Variants in CEP192 observed in about 807,000 individuals in gnomAD.
The protein encoded by CEP192 is centrosomal protein 192.
In CEP192, 151 loss-of-function variants were observed where a neutral mutation model predicts 271.8. The observed-to-expected ratio is 0.56, with a 90% CI of 0.49 to 0.64. The LOEUF (loss-of-function observed/expected upper bound fraction) is 0.64, where lower values mean the gene tolerates loss of function less well. Among genes scored for constraint, CEP192 ranks in the 30% least tolerant of loss-of-function variants. The probability of loss-of-function intolerance (pLI) is 0.00; values close to 1 mark genes in which losing one functional copy is unlikely to be tolerated. For missense variants in CEP192, 2,910 were observed against 3,020.5 expected (o/e 0.96, Z 0.86); for synonymous variants, 995 against 1,076.5 (o/e 0.92, Z 1.48).
At chr18:13,034,325 T>C (rs1307190887) in intron 11 of CEP192, among the ~76,000 whole-genome samples, 1 of 151,476 alleles carries the variant, frequency 6.6e-6, no homozygotes, top group East Asian at 1.9e-4. Flanking sequence ...TCCAGGGAAA[T>C]AGGGGTGGAG....
intron 19 of CEP192, 86 bp from the exon 20 acceptor site, chr18:13,057,499 T>C (rs576466010): frequency 6.8e-7 from 1 of 1,476,238 alleles, no homozygotes; most frequent in African/African-American, 1.4e-5. Flanking sequence ...GGCCATCTTA[T>C]AAACTCATTG....
At chr18:13,020,612 C>T (rs963044714) in intron 9 of CEP192, among the ~76,000 whole-genome samples, 2 of 152,104 alleles carry the variant, frequency 1.3e-5, no homozygotes, top group African/African-American at 4.8e-5. Context: ...ATTGTTGGGT[C>T]ATATGGTAAT....
At chr18:13,109,785 T>C (rs2040126550) in intron 40 of CEP192, among the ~76,000 whole-genome samples, 1 of 152,000 alleles carries the variant, frequency 6.6e-6, no homozygotes, top group Non-Finnish European at 1.5e-5. Context: ...ATAATAATAA[T>C]AGACAAACCT....
At chr18:13,055,549 C>G (rs2037048930) in intron 18 of CEP192, among the ~76,000 whole-genome samples, 1 of 152,186 alleles carries the variant, frequency 6.6e-6, no homozygotes, top group African/African-American at 2.4e-5. Context: ...GTGTATACCT[C>G]CTATTTATTT....
intron 35 of CEP192, 97 bp downstream of exon 35, chr18:13,095,778 C>A: frequency 1.9e-6 from 2 of 1,057,162 alleles, no homozygotes; most frequent in Non-Finnish European, 2.7e-6. Context: ...ACATGGGCTC[C>A]TGCACATTGA....
chr18:13,029,627 T>A, intron 9 of CEP192, 36 bp from the exon 10 acceptor site: 1 of 1,265,724 alleles, frequency 7.9e-7, no homozygotes. Flanking sequence ...AGACTTACTG[T>A]TGCTCTGTTA....
chr18:13,042,263 G>C lies in CEP192; in HGVS notation c.1996G>C (p.Glu666Gln). 2 of 1,613,770 alleles carry C rather than the reference G, an allele frequency of 1.2e-6. No individual in the cohort carries two copies. The highest frequency in any genetic ancestry group is 1.7e-6 in the Non-Finnish European group (2 of 1,179,646). Residue 666 changes from glutamate (E) to glutamine (Q), a missense_variant, in exon 15 of 45, where the codon GAA becomes CAA. Transcript: ENST00000506447. The stretch of plus-strand genomic sequence containing the variant: ...TGAAGGATCAATTACACTTCAGGTT[G>C]AAGCAGTAGAGAGTACTTCACAAGT... ...LSEGSITLQVEAVESTSQVDE... is the reference protein window; with the variant it reads ...LSEGSITLQVQAVESTSQVDE...
At chr18:13,057,545 C>T (rs777705036) in intron 19 of CEP192, 40 bp from the exon 20 acceptor site, 3 of 1,601,642 alleles carry the variant, frequency 1.9e-6, no homozygotes, top group Non-Finnish European at 2.6e-6. Context: ...CAGGGGTTTG[C>T]TGTAACTTGC....
At position 13,001,537 on chromosome 18, in the gene CEP192, A is replaced by T; in HGVS notation, c.245A>T (p.Asp82Val). The change falls in exon 3 of 45, where the codon GAT becomes GTT. Residue 82 changes from aspartate (D) to valine (V), a missense_variant. Physicochemically the swap from Asp to Val is radical, Grantham distance 152. Transcript: ENST00000506447. Reference protein sequence around the residue: ...PSGSSPGSQSDAEPRERLQLS... With the variant: ...PSGSSPGSQSVAEPRERLQLS... ...GGGTCATCTCCCGGAAGCCAGAGTGATGCTGAACCAAGAGAGAGGTTACAG... is the reference window on the plus strand; with the variant it reads ...GGGTCATCTCCCGGAAGCCAGAGTGTTGCTGAACCAAGAGAGAGGTTACAG... The T allele has an allele frequency of 6.4e-7, 1 of 1,551,214 alleles. No homozygotes were observed. The highest frequency in any genetic ancestry group is 8.7e-7 in the Non-Finnish European group (1 of 1,146,814).
At position 13,057,744 on chromosome 18, in the gene CEP192, A is replaced by C. The variant is rs547977510; in HGVS notation, c.4257+11A>C. ...GTTAATGGTGAAAAGGTAGCTTTCT[A>C]TGTCTTTCTCATTTAACCTAACAGT... On this transcript the variant is annotated intron_variant, in intron 20 of 44. Transcript: ENST00000506447. 6.2e-7 allele frequency: 1 copy of C among 1,611,034 alleles called. No homozygotes were observed. The highest frequency in any genetic ancestry group is 1.1e-5 in the South Asian group (1 of 90,874).
intron 6 of CEP192, among the ~76,000 whole-genome samples, chr18:13,016,038 G>A (rs1000017530): frequency 1.3e-5 from 2 of 152,132 alleles, no homozygotes; most frequent in Non-Finnish European, 2.9e-5. Flanking sequence ...GAGCCATCGC[G>A]CCTGGCCAGA....
intron 13 of CEP192, among the ~76,000 whole-genome samples, chr18:13,039,779 C>T (rs74377673): frequency 0.019 from 2,856 of 152,146 alleles, 69 homozygotes; most frequent in African/African-American, 0.06. Context: ...AGCAGCCTGC[C>T]GCCATATGTC....
chr18:13,062,164 A>G (rs1295535398), intron 21 of CEP192, among the ~76,000 whole-genome samples: 1 of 152,120 alleles, frequency 6.6e-6, no homozygotes, highest in East Asian at 1.9e-4. Flanking sequence ...GAGTCCAACA[A>G]ACAGACAAGT....
chr18:13,010,041 C>T (rs2034243753), intron 4 of CEP192, among the ~76,000 whole-genome samples: 2 of 151,906 alleles, frequency 1.3e-5, no homozygotes, highest in Admixed American at 1.3e-4. Context: ...CGCCTTTAGT[C>T]CCAGCTACTT....
At chr18:13,085,652 A>G (rs1209353782) in intron 30 of CEP192, among the ~76,000 whole-genome samples, 2 of 152,196 alleles carry the variant, frequency 1.3e-5, no homozygotes, top group Non-Finnish European at 1.5e-5. Context: ...TAAATAGGGA[A>G]TCCTTTCCCC....
chr18:13,005,498 A>C (rs1338663992), intron 3 of CEP192, among the ~76,000 whole-genome samples: 1 of 152,226 alleles, frequency 6.6e-6, no homozygotes, highest in Non-Finnish European at 1.5e-5. Flanking sequence ...ATGGGAGGGC[A>C]TCTTGAGGGT....
intron 9 of CEP192, among the ~76,000 whole-genome samples, chr18:13,023,029 A>G (rs1269008834): frequency 2.6e-5 from 4 of 152,178 alleles, no homozygotes; most frequent in Admixed American, 2.0e-4. Context: ...TTATATAATA[A>G]ACATGTATGC....
At chr18:13,076,317 C>T (rs558791701) in intron 30 of CEP192, among the ~76,000 whole-genome samples, 8 of 152,286 alleles carry the variant, frequency 5.3e-5, no homozygotes, top group African/African-American at 1.7e-4. Flanking sequence ...CTCTGCCCCC[C>T]AGGTTCAAGC....
intron 15 of CEP192, among the ~76,000 whole-genome samples, chr18:13,046,837 T>C (rs2036510011): frequency 6.8e-6 from 1 of 146,520 alleles, no homozygotes; most frequent in African/African-American, 2.7e-5. Flanking sequence ...TACTTTTTTT[T>C]TTTTTTTTTT....
Sources: allele counts gnomAD v4.1 joint callset (sites outside exome capture counted in the v4.1 genomes callset), GRCh38; gene constraint gnomAD v4.1.1; transcripts MANE v1.5; gene names NCBI Gene and HGNC (gene_info 2026-07-23, HGNC 2026-07-21).